MECOM: variants seen among roughly 807,000 people sequenced by gnomAD.
The protein encoded by MECOM is histone-lysine N-methyltransferase MECOM.
MECOM carries 13 observed loss-of-function variants against 116.3 expected under a neutral mutation model. That is an observed-to-expected ratio of 0.11 (90% CI 0.07 to 0.18). The LOEUF is 0.18. MECOM is among the 10% of genes least tolerant of loss of function. MECOM has a pLI of 1.00. For missense variants in MECOM, 1,299 were observed against 1,509.0 expected (o/e 0.86, Z 2.31); for synonymous variants, 528 against 535.2 (o/e 0.99, Z 0.19).
At chr3:169,660,717 T>C (rs1776172367) in intron 1 of MECOM, among the ~76,000 whole-genome samples, 1 of 152,232 alleles carries the variant, frequency 6.6e-6, no homozygotes, top group Non-Finnish European at 1.5e-5. Flanking sequence ...GAAGTTTTCG[T>C]TGGATGATTG....
intron 2 of MECOM, among the ~76,000 whole-genome samples, chr3:169,290,176 A>G (rs1363754055): frequency 2.6e-5 from 4 of 152,188 alleles, no homozygotes; most frequent in African/African-American, 9.6e-5. Context: ...CCCTTAGAAA[A>G]GACAAAGCAT....
intron 2 of MECOM, among the ~76,000 whole-genome samples, chr3:169,203,944 TGAA>T (rs1239754683): frequency 6.6e-6 from 1 of 152,218 alleles, no homozygotes; most frequent in Non-Finnish European, 1.5e-5. Context: ...GATAGGAATG[TGAA>T]GAAGAATGGG....
At chr3:169,193,773 T>C (rs1296762835) in intron 2 of MECOM, among the ~76,000 whole-genome samples, 1 of 152,038 alleles carries the variant, frequency 6.6e-6, no homozygotes, top group Non-Finnish European at 1.5e-5. Flanking sequence ...AAATTAAAAG[T>C]CATTGTTACA....
intron 2 of MECOM, among the ~76,000 whole-genome samples, chr3:169,292,386 TAGATGATGA>T (rs1714739698): frequency 6.6e-6 from 1 of 152,034 alleles, no homozygotes; most frequent in South Asian, 2.1e-4. Context: ...ATTGAACTGA[TAGATGATGA>T]AGCAAGATCT....
intron 1 of MECOM, among the ~76,000 whole-genome samples, chr3:169,644,268 A>C (rs536014747): frequency 6.7e-6 from 1 of 149,570 alleles, no homozygotes; most frequent in East Asian, 2.0e-4. Flanking sequence ...TTATTTATTT[A>C]TTTATTGAGA....
intron 1 of MECOM, among the ~76,000 whole-genome samples, chr3:169,525,876 A>C (rs1443278903): frequency 1.3e-5 from 2 of 152,108 alleles, no homozygotes; most frequent in African/African-American, 4.8e-5. Context: ...TAAAAACACA[A>C]AAATTAGCCA....
intron 1 of MECOM, among the ~76,000 whole-genome samples, chr3:169,394,639 T>C (rs1056073984): frequency 1.3e-5 from 2 of 152,232 alleles, no homozygotes; most frequent in Admixed American, 1.3e-4. Context: ...TTCTATTATT[T>C]GACATAATGA....
At chr3:169,470,956 T>C (rs920987084) in intron 1 of MECOM, among the ~76,000 whole-genome samples, 1 of 152,164 alleles carries the variant, frequency 6.6e-6, no homozygotes, top group Non-Finnish European at 1.5e-5. Flanking sequence ...TTTGTTGTTT[T>C]GTTTGTTTGT....
intron 1 of MECOM, among the ~76,000 whole-genome samples, chr3:169,433,665 GA>G (rs1311489530): frequency 7.1e-6 from 1 of 141,064 alleles, no homozygotes; most frequent in Non-Finnish European, 1.5e-5. Flanking sequence ...AAGAAAGAAA[GA>G]AAGAAAGAAA....
intron 2 of MECOM, among the ~76,000 whole-genome samples, chr3:169,150,713 T>C (rs1406969945): frequency 6.6e-6 from 1 of 152,228 alleles, no homozygotes; most frequent in Non-Finnish European, 1.5e-5. Flanking sequence ...CCAGAAGGAA[T>C]GATTATTTTT....
At chr3:169,646,946 A>T (rs1429281971) in intron 1 of MECOM, among the ~76,000 whole-genome samples, 1 of 152,244 alleles carries the variant, frequency 6.6e-6, no homozygotes, top group Non-Finnish European at 1.5e-5. Flanking sequence ...TGAAAGATGA[A>T]GGGATGACCA....
At chr3:169,632,121 A>G (rs916860013) in intron 1 of MECOM, among the ~76,000 whole-genome samples, 1 of 152,138 alleles carries the variant, frequency 6.6e-6, no homozygotes, top group African/African-American at 2.4e-5. Context: ...AGAGCAAGGA[A>G]AGGCCATTAG....
At chr3:169,185,938 A>G (rs1051472514) in intron 2 of MECOM, among the ~76,000 whole-genome samples, 1 of 152,132 alleles carries the variant, frequency 6.6e-6, no homozygotes, top group African/African-American at 2.4e-5. Flanking sequence ...TGATGACTAT[A>G]CATCATTTTC....
chr3:169,584,296 G>C (rs370427893), intron 1 of MECOM, among the ~76,000 whole-genome samples: 1 of 151,968 alleles, frequency 6.6e-6, no homozygotes, highest in African/African-American at 2.4e-5. Flanking sequence ...CCGGGCGCGG[G>C]GGCTCACTCC....
intron 1 of MECOM, among the ~76,000 whole-genome samples, chr3:169,478,728 G>A (rs1750845387): frequency 6.6e-6 from 1 of 152,174 alleles, no homozygotes. Flanking sequence ...CAGGAGAAGG[G>A]ATGCCAATTC....
At chr3:169,087,245 T>C (rs977539746) in intron 16 of MECOM, among the ~76,000 whole-genome samples, 28 of 152,236 alleles carry the variant, frequency 1.8e-4, no homozygotes, top group Non-Finnish European at 2.1e-4. Flanking sequence ...TTAGGTATTA[T>C]ATCTTACAAT....
chr3:169,637,821 T>A (rs766209619), intron 1 of MECOM, among the ~76,000 whole-genome samples: 1 of 152,222 alleles, frequency 6.6e-6, no homozygotes, highest in Non-Finnish European at 1.5e-5. Flanking sequence ...CATAAAATAT[T>A]GAAAACACCA....
At chr3:169,564,546 G>A (rs919962462) in intron 1 of MECOM, among the ~76,000 whole-genome samples, 1 of 152,116 alleles carries the variant, frequency 6.6e-6, no homozygotes, top group African/African-American at 2.4e-5. Flanking sequence ...GGTTTCCACA[G>A]CAGGTCTTAG....
intron 1 of MECOM, among the ~76,000 whole-genome samples, chr3:169,459,136 A>T (rs548430242): frequency 1.3e-5 from 2 of 152,308 alleles, no homozygotes; most frequent in African/African-American, 4.8e-5. Context: ...ATGCTTACTG[A>T]TGTAATCCTG....
Sources: gnomAD v4.1 joint callset for allele counts (sites outside exome capture counted in the v4.1 genomes callset) on GRCh38, gnomAD v4.1.1 for gene constraint, MANE v1.5 for transcripts, NCBI Gene and HGNC (gene_info 2026-07-23, HGNC 2026-07-21) for gene names.